Variants in NLRC5 observed in about 807,000 individuals in gnomAD.
NLRC5 encodes NLR family CARD domain containing 5, also known as protein NLRC5.
A neutral mutation model predicts 206.9 loss-of-function variants in NLRC5; 114 were observed. That is an observed-to-expected ratio of 0.55 (90% CI 0.47 to 0.64). NLRC5 has a LOEUF of 0.64. Among genes scored for constraint, NLRC5 ranks in the 30% least tolerant of loss-of-function variants. NLRC5 has a pLI of 0.00. For synonymous variants in NLRC5, 952 were observed against 962.8 expected, an observed-to-expected ratio of 0.99 and a Z score of 0.21; for missense variants, 2,008 against 2,305.5, an observed-to-expected ratio of 0.87 and a Z score of 2.64.
rs1213569666 is a variant in NLRC5 at position 57,026,362 on chromosome 16, T to C, written c.1419T>C (p.Val473=). 1 of 1,613,870 alleles carries C rather than the reference T, an allele frequency of 6.2e-7. No homozygotes were observed. The highest frequency in any genetic ancestry group is 1.3e-5 in the African/African-American group (1 of 74,944). The change falls in exon 6 of 49, where the codon GTT becomes GTC. Residue 473 remains valine (V), a synonymous_variant. Transcript: ENST00000688547. ...TGAGGGGCCTGGAGACAGGGAAGGT[T>C]ATCTTCTATGCAAAAGATATTGCTC... The part of the protein sequence containing the change: ...VALRGLETGK[V]IFYAKDIAPP...
At chr16:57,001,180 C>A (rs576270205) in intron 1 of NLRC5, among the ~76,000 whole-genome samples, 1 of 152,244 alleles carries the variant, frequency 6.6e-6, no homozygotes, top group African/African-American at 2.4e-5. Context: ...GGCCTCAGGT[C>A]CTCCCCCAGG....
intron 24 of NLRC5, 32 bp from the exon 25 acceptor site, chr16:57,054,719 A>C: frequency 6.4e-7 from 1 of 1,571,864 alleles, no homozygotes. Context: ...TTGTCCACTC[A>C]TCTTGCCGGA....
In NLRC5 at chr16:57,082,683, C is replaced by G. The variant is rs1177204832; in HGVS notation, c.*155C>G. 2 of 584,678 alleles carry G rather than the reference C, an allele frequency of 3.4e-6. No individual in the cohort carries two copies. Among genetic ancestry groups the G allele is most frequent in the South Asian group, 2.4e-5 (1 of 42,420 alleles). The allele number at this position is 584,678 out of a possible 1,614,324, so 36.2% of individuals were successfully genotyped here. On this transcript the variant is annotated 3_prime_UTR_variant, in exon 49 of 49. Coordinates refer to ENST00000688547, the MANE Select transcript of NLRC5 (RefSeq NM_001384950.1). Reference sequence around the variant, plus strand: ...GATACGTGTGTCCTGCTGCAGTCCTCAGGGAGAACTTTTTTGGGAACCAGG... The same window carrying G: ...GATACGTGTGTCCTGCTGCAGTCCTGAGGGAGAACTTTTTTGGGAACCAGG...
chr16:57,058,413 A>G (rs2065969510), intron 28 of NLRC5: 1 of 499,778 alleles, frequency 2.0e-6, no homozygotes, highest in Non-Finnish European at 3.6e-6. Flanking sequence ...CTACAGCCAA[A>G]CTGACCTGGG....
chr16:57,021,077 C>T, intron 3 of NLRC5, 70 bp downstream of exon 3: 2 of 1,425,126 alleles, frequency 1.4e-6, no homozygotes, highest in Non-Finnish European at 1.9e-6. Flanking sequence ...GGGAGGAGCC[C>T]AGGGACCCAC....
chr16:57,055,223 G>A (rs925439667), intron 26 of NLRC5, 129 bp downstream of exon 26: 19 of 1,047,200 alleles, frequency 1.8e-5, no homozygotes, highest in Non-Finnish European at 2.8e-5. Context: ...CCCTGCAGAG[G>A]GACTTGTTTC....
intron 41 of NLRC5, 56 bp downstream of exon 41, chr16:57,077,435 G>A: frequency 3.4e-6 from 5 of 1,488,064 alleles, no homozygotes; most frequent in Non-Finnish European, 3.7e-6. Flanking sequence ...GGTCCTAGGA[G>A]ATACTGGCCC....
intron 1 of NLRC5, among the ~76,000 whole-genome samples, chr16:57,015,406 A>G (rs561891010): frequency 6.6e-6 from 1 of 152,114 alleles, no homozygotes; most frequent in South Asian, 2.1e-4. Flanking sequence ...TTTTATCTCA[A>G]TTTGCTAAAG....
At chr16:57,075,625 A>G (rs1339055900) in intron 39 of NLRC5, among the ~76,000 whole-genome samples, 1 of 152,120 alleles carries the variant, frequency 6.6e-6, no homozygotes, top group Non-Finnish European at 1.5e-5. Flanking sequence ...TGGCCTTCCT[A>G]CACTCCCTTT....
chr16:56,999,121 T>C (rs920169733), intron 1 of NLRC5, among the ~76,000 whole-genome samples: 1 of 152,242 alleles, frequency 6.6e-6, no homozygotes, highest in Non-Finnish European at 1.5e-5. Context: ...TAGAGCATTC[T>C]CTTGGGTCTC....
In NLRC5 at chr16:57,055,148, A is replaced by T. The variant is rs1190484364; in HGVS notation, c.3659+54A>T. 4 of 1,587,742 alleles carry T rather than the reference A, an allele frequency of 2.5e-6. No individual in the cohort carries two copies. In the African/African-American group the frequency reaches 5.4e-5, roughly 21 times the overall value. ...GCTAGTTGATGTTGGGGACCAGTAG[A>T]TCTGCCTCCTGGGTGGCCAGAGCAG... On this transcript the variant is annotated intron_variant, in intron 26 of 48. Transcript: ENST00000688547.
At chr16:57,001,528 G>C (rs535058144) in intron 1 of NLRC5, among the ~76,000 whole-genome samples, 33 of 152,342 alleles carry the variant, frequency 2.2e-4, no homozygotes, top group African/African-American at 7.9e-4. Context: ...AGGGGCTGGA[G>C]AGACGGAAGA....
In NLRC5 at chr16:57,076,830, A is replaced by G. The variant is rs1340872080; in HGVS notation, c.4763A>G (p.Asn1588Ser). The G allele has an allele frequency of 2.5e-6, 4 of 1,614,154 alleles. No homozygotes were observed. The highest frequency in any genetic ancestry group is 3.4e-6 in the Non-Finnish European group (4 of 1,180,034). ...TCLQSLRLNR[N>S]SIGDVGCCHL... ...CCCTGCTTTTCCAGACTGAACAGGA[A>G]CAGTATCGGTGATGTCGGTTGCTGC... is the stretch of plus-strand genomic sequence containing the variant. The change falls in exon 40 of 49, where the codon AAC (asparagine) becomes AGC (serine). Residue 1588 changes from asparagine to serine, a missense_variant. Coordinates refer to ENST00000688547, the MANE Select transcript of NLRC5 (RefSeq NM_001384950.1).
chr16:57,076,954 T>C (rs1160347199), intron 40 of NLRC5, 52 bp downstream of exon 40: 16 of 1,523,364 alleles, frequency 1.1e-5, no homozygotes, highest in Non-Finnish European at 1.3e-5. Flanking sequence ...CCGGGAAAGA[T>C]GACAAGGGCA....
At chr16:57,031,046 G>A (rs1276972862) in intron 10 of NLRC5, among the ~76,000 whole-genome samples, 3 of 151,914 alleles carry the variant, frequency 2.0e-5, no homozygotes, top group Non-Finnish European at 4.4e-5. Context: ...GCTGCAGTGA[G>A]GTGTGAACAC....
intron 35 of NLRC5, 99 bp downstream of exon 35, chr16:57,067,569 G>A: frequency 7.1e-7 from 1 of 1,417,038 alleles, no homozygotes; most frequent in Non-Finnish European, 9.9e-7. Flanking sequence ...ACTTCCTTGT[G>A]CAGGAGAAAA....
chr16:57,049,319 C>A (rs528315211), intron 23 of NLRC5, among the ~76,000 whole-genome samples: 1 of 152,276 alleles, frequency 6.6e-6, no homozygotes, highest in African/African-American at 2.4e-5. Context: ...AGCACTCTTA[C>A]GTGATTTGAC....
intron 11 of NLRC5, 148 bp downstream of exon 11, chr16:57,031,611 C>A: frequency 2.7e-6 from 2 of 741,308 alleles, no homozygotes; most frequent in Non-Finnish European, 4.5e-6. Context: ...TGAATTACTG[C>A]TTAGGTTGGC....
intron 39 of NLRC5, among the ~76,000 whole-genome samples, chr16:57,076,531 C>T (rs60748283): frequency 6.6e-6 from 1 of 152,088 alleles, no homozygotes. Context: ...TGTAGAGACT[C>T]CTCCTGGGCC....
Sources: allele counts gnomAD v4.1 joint callset (sites outside exome capture counted in the v4.1 genomes callset), GRCh38; gene constraint gnomAD v4.1.1; transcripts MANE v1.5; gene names NCBI Gene and HGNC (gene_info 2026-07-23, HGNC 2026-07-21).